Variants in DOCK5 observed in about 807,000 individuals in gnomAD.
DOCK5 encodes the protein dedicator of cytokinesis 5, also known as dedicator of cytokinesis protein 5.
Under a neutral mutation model 251.8 loss-of-function variants are expected in DOCK5, and 142 were observed. That is an observed-to-expected ratio of 0.56 (90% CI 0.49 to 0.65). DOCK5 has a LOEUF of 0.65. Ranked by LOEUF, DOCK5 falls within the 30% of genes least tolerant of loss-of-function variation. The pLI is 0.00. For synonymous variants in DOCK5, 842 were observed against 835.5 expected (o/e 1.01, Z -0.13); for missense variants, 2,111 against 2,312.3 (o/e 0.91, Z 1.79).
chr8:25,318,000 C>G (rs1015123900), intron 14 of DOCK5, among the ~76,000 whole-genome samples: 6 of 152,174 alleles, frequency 3.9e-5, no homozygotes, highest in African/African-American at 1.4e-4. Context: ...AGTGGCAGAG[C>G]TGGGAGGGTA....
chr8:25,297,540 C>T (rs923829120), intron 7 of DOCK5, among the ~76,000 whole-genome samples: 20 of 152,124 alleles, frequency 1.3e-4, no homozygotes, highest in African/African-American at 4.6e-4. Context: ...AGGCGTGAGC[C>T]ACCAAGCCTG....
In DOCK5 at chr8:25,317,120, A is replaced by T. The variant is rs758108079; in HGVS notation, c.1432A>T (p.Lys478Ter). The part of the protein sequence containing the change: ...VTMSVHDEEG[K>*]LLEKAIHPGA... ...GATGTCTGTGCACGATGAGGAGGGCAAGCTCTTGGAGGTGCGCGGCATGGC... is the reference window on the plus strand; with the variant it reads ...GATGTCTGTGCACGATGAGGAGGGCTAGCTCTTGGAGGTGCGCGGCATGGC... The change falls in exon 14 of 52, where the codon AAG becomes TAG. Residue 478 changes from lysine (K) to a stop codon, truncating the protein, a stop_gained. Coordinates refer to ENST00000276440, the MANE Select transcript of DOCK5 (RefSeq NM_024940.8). LOFTEE classifies it high-confidence loss of function. 6.2e-7 allele frequency: 1 copy of T among 1,613,658 alleles called. No individual in the cohort carries two copies. Among genetic ancestry groups the T allele is most frequent in the Non-Finnish European group, 8.5e-7 (1 of 1,179,764 alleles).
At chr8:25,236,562 AAAG>A (rs1246382211) in intron 1 of DOCK5, among the ~76,000 whole-genome samples, 3 of 152,092 alleles carry the variant, frequency 2.0e-5, no homozygotes, top group South Asian at 2.1e-4. Context: ...TCATAATGGA[AAAG>A]AAGAATTGTA....
At chr8:25,374,055 C>G (rs1202387437) in intron 36 of DOCK5, among the ~76,000 whole-genome samples, 2 of 152,110 alleles carry the variant, frequency 1.3e-5, no homozygotes, top group Admixed American at 6.5e-5. Context: ...CATTAGCTTC[C>G]CAGAGGGGTC....
intron 1 of DOCK5, among the ~76,000 whole-genome samples, chr8:25,222,019 C>G (rs951642449): frequency 5.9e-5 from 9 of 152,158 alleles, no homozygotes; most frequent in East Asian, 1.9e-4. Flanking sequence ...TTTTCTCCTG[C>G]TGTCAGCCCT....
chr8:25,382,876 G>A (rs1272156251), intron 40 of DOCK5, 98 bp downstream of exon 40: 26 of 988,022 alleles, frequency 2.6e-5, no homozygotes, highest in African/African-American at 8.3e-5. Flanking sequence ...CTGCCGACCC[G>A]TGTTCTCGCT....
intron 30 of DOCK5, among the ~76,000 whole-genome samples, chr8:25,366,202 C>T (rs961824981): frequency 2.0e-5 from 3 of 152,198 alleles, no homozygotes; most frequent in South Asian, 2.1e-4. Context: ...TAAAAATATT[C>T]GTGCTTGGCT....
chr8:25,393,076 C>A (rs1483913324), intron 44 of DOCK5, among the ~76,000 whole-genome samples, 194 bp downstream of exon 44: 1 of 152,134 alleles, frequency 6.6e-6, no homozygotes. Flanking sequence ...CAACACCAGC[C>A]CTAAAGGTCA....
intron 2 of DOCK5, among the ~76,000 whole-genome samples, chr8:25,253,152 G>A (rs1448398401): frequency 2.0e-5 from 3 of 152,148 alleles, no homozygotes; most frequent in African/African-American, 7.2e-5. Flanking sequence ...ACGTGATTCA[G>A]GTATAGGCAT....
chr8:25,315,704 A>G (rs1805228659), intron 13 of DOCK5, among the ~76,000 whole-genome samples: 1 of 152,238 alleles, frequency 6.6e-6, no homozygotes, highest in Admixed American at 6.5e-5. Context: ...AAATATTACC[A>G]GTGGGATTGC....
intron 25 of DOCK5, 174 bp from the exon 26 acceptor site, chr8:25,345,301 A>G: frequency 1.6e-6 from 1 of 643,504 alleles, no homozygotes; most frequent in Admixed American, 3.1e-5. Context: ...ACAAGGGTAA[A>G]GTTCCGTGCC....
At chr8:25,309,909 CCTT>C (rs1805043985) in intron 12 of DOCK5, among the ~76,000 whole-genome samples, 2 of 151,880 alleles carry the variant, frequency 1.3e-5, no homozygotes, top group South Asian at 4.2e-4. Context: ...TAACATTCTG[CCTT>C]CTTTTTCTAT....
intron 8 of DOCK5, 127 bp downstream of exon 8, chr8:25,299,228 C>G: frequency 8.9e-7 from 1 of 1,122,636 alleles, no homozygotes; most frequent in Non-Finnish European, 1.2e-6. Context: ...GATTTCTAAG[C>G]AGTAGAATGT....
intron 7 of DOCK5, among the ~76,000 whole-genome samples, chr8:25,297,962 C>G (rs1194510747): frequency 1.3e-5 from 2 of 150,810 alleles, no homozygotes; most frequent in African/African-American, 4.9e-5. Context: ...GAGGCTGAGG[C>G]AGGAGGATCA....
At chr8:25,378,143 T>C (rs1800997268) in intron 38 of DOCK5, among the ~76,000 whole-genome samples, 1 of 152,206 alleles carries the variant, frequency 6.6e-6, no homozygotes. Context: ...TGATATCGCA[T>C]GGCTCACAGC....
chr8:25,244,600 C>T (rs981544684), intron 2 of DOCK5, among the ~76,000 whole-genome samples: 4 of 152,160 alleles, frequency 2.6e-5, no homozygotes, highest in African/African-American at 9.7e-5. Flanking sequence ...GGTCTAGCCC[C>T]CATGTAAACC....
intron 2 of DOCK5, 84 bp from the exon 3 acceptor site, chr8:25,268,761 T>C: frequency 8.6e-7 from 1 of 1,156,152 alleles, no homozygotes; most frequent in South Asian, 1.4e-5. Context: ...GTATTGCTAA[T>C]AGAACATGAG....
At chr8:25,200,478 A>T (rs1201297535) in intron 1 of DOCK5, among the ~76,000 whole-genome samples, 1 of 152,222 alleles carries the variant, frequency 6.6e-6, no homozygotes, top group Non-Finnish European at 1.5e-5. Flanking sequence ...CAAAGGTGAG[A>T]GTGGCATGTA....
Position 25,297,076 on chromosome 8 carries a change from G to A in DOCK5, c.606+428G>A, listed in dbSNP as rs573366447. Among the ~76,000 whole-genome samples, 119 of 152,030 alleles carry A rather than the reference G, an allele frequency of 7.8e-4. 1 individual carries two copies. Among genetic ancestry groups the A allele is most frequent in the African/African-American group, 2.7e-3 (112 of 41,484 alleles). Reference sequence around the variant, plus strand: ...ATATATTGCAATTTCAAAATAAATAGTATTTATTTTTATTTTTTATTTATA... The same window carrying A: ...ATATATTGCAATTTCAAAATAAATAATATTTATTTTTATTTTTTATTTATA... On this transcript the variant is annotated intron_variant, in intron 7 of 51. Coordinates refer to ENST00000276440, the MANE Select transcript of DOCK5 (RefSeq NM_024940.8).
Sources: allele counts gnomAD v4.1 joint callset (sites outside exome capture counted in the v4.1 genomes callset), GRCh38; gene constraint gnomAD v4.1.1; transcripts MANE v1.5; gene names NCBI Gene and HGNC (gene_info 2026-07-23, HGNC 2026-07-21).